KCTD8: variants seen among roughly 807,000 people sequenced by gnomAD.
The protein encoded by KCTD8 is potassium channel tetramerization domain containing 8, also known as BTB/POZ domain-containing protein KCTD8.
In KCTD8, 27 loss-of-function variants were observed where a neutral mutation model predicts 31.5. The observed-to-expected ratio is 0.86, with a 90% CI of 0.63 to 1.18. The LOEUF is 1.18. Among genes scored for constraint, KCTD8 ranks in the 50% most tolerant of loss-of-function variants. The pLI, the probability that KCTD8 is intolerant of heterozygous loss-of-function variation, is 0.00. For missense variants in KCTD8, 658 were observed against 647.7 expected (o/e 1.02, Z -0.17); for synonymous variants, 290 against 280.0 (o/e 1.04, Z -0.36).
chr4:44,181,508 G>T (rs1357661953), intron 1 of KCTD8, among the ~76,000 whole-genome samples: 1 of 152,158 alleles, frequency 6.6e-6, no homozygotes, highest in Non-Finnish European at 1.5e-5. Context: ...TCGGCCCCCC[G>T]AGGCGCCGGG....
intron 1 of KCTD8, among the ~76,000 whole-genome samples, chr4:44,255,709 T>C (rs1715970762): frequency 6.6e-6 from 1 of 151,850 alleles, no homozygotes; most frequent in African/African-American, 2.4e-5. Context: ...AATAATCTTG[T>C]ATCCCTGCCT....
intron 1 of KCTD8, among the ~76,000 whole-genome samples, chr4:44,342,505 ACGTCAAG>A (rs1202595052): frequency 7.9e-5 from 12 of 152,230 alleles, no homozygotes; most frequent in African/African-American, 2.4e-4. Flanking sequence ...TATAGAGCAC[ACGTCAAG>A]TATATTTAGC....
At chr4:44,342,215 C>A (rs1377480243) in intron 1 of KCTD8, among the ~76,000 whole-genome samples, 1 of 151,650 alleles carries the variant, frequency 6.6e-6, no homozygotes, top group Non-Finnish European at 1.5e-5. Flanking sequence ...ACTAAAAATA[C>A]AAAAAAATTA....
At chr4:44,323,125 A>C (rs1289251807) in intron 1 of KCTD8, among the ~76,000 whole-genome samples, 1 of 152,050 alleles carries the variant, frequency 6.6e-6, no homozygotes, top group Non-Finnish European at 1.5e-5. Flanking sequence ...TCTGTGAAGA[A>C]AGTCATTGGT....
chr4:44,366,439 T>A (rs1205919847), intron 1 of KCTD8, among the ~76,000 whole-genome samples: 2 of 152,194 alleles, frequency 1.3e-5, no homozygotes, highest in African/African-American at 4.8e-5. Flanking sequence ...TCTCTCTATT[T>A]TCTGCTGCCA....
chr4:44,371,263 T>C (rs368918769), intron 1 of KCTD8, among the ~76,000 whole-genome samples: 1 of 152,320 alleles, frequency 6.6e-6, no homozygotes, highest in East Asian at 1.9e-4. Flanking sequence ...TGCTCAACCT[T>C]TTCAAATGCT....
chr4:44,221,637 A>G (rs1267051338), intron 1 of KCTD8, among the ~76,000 whole-genome samples: 1 of 152,176 alleles, frequency 6.6e-6, no homozygotes, highest in South Asian at 2.1e-4. Flanking sequence ...CCACTGGCGT[A>G]TGTCCAGGAG....
intron 1 of KCTD8, among the ~76,000 whole-genome samples, chr4:44,437,170 G>A (rs1402018714): frequency 6.6e-6 from 1 of 151,834 alleles, no homozygotes. Flanking sequence ...AAAATGAGCT[G>A]TGTATGTCTG....
intron 1 of KCTD8, among the ~76,000 whole-genome samples, chr4:44,437,278 G>T (rs1026396331): frequency 2.0e-5 from 3 of 152,016 alleles, no homozygotes; most frequent in African/African-American, 7.2e-5. Flanking sequence ...TATCTATTAG[G>T]CATGTCATTC....
At chr4:44,304,593 T>C (rs568721821) in intron 1 of KCTD8, among the ~76,000 whole-genome samples, 1 of 152,280 alleles carries the variant, frequency 6.6e-6, no homozygotes, top group African/African-American at 2.4e-5. Context: ...TGTACTGTAT[T>C]AAGTAATTGT....
intron 1 of KCTD8, among the ~76,000 whole-genome samples, chr4:44,380,838 A>G (rs1720046072): frequency 6.6e-6 from 1 of 151,980 alleles, no homozygotes; most frequent in Non-Finnish European, 1.5e-5. Flanking sequence ...CTCTTATAAA[A>G]TGTTGAAGTG....
intron 1 of KCTD8, among the ~76,000 whole-genome samples, chr4:44,225,649 C>A (rs1714935299): frequency 1.3e-5 from 2 of 151,490 alleles, no homozygotes; most frequent in South Asian, 2.1e-4. Flanking sequence ...AAAAAATAAC[C>A]CTTGTGTTGG....
intron 1 of KCTD8, among the ~76,000 whole-genome samples, chr4:44,225,235 C>T (rs549900518): frequency 4.6e-5 from 7 of 152,348 alleles, no homozygotes; most frequent in African/African-American, 1.4e-4. Flanking sequence ...GAAAGTGCTA[C>T]ACCGGCATGG....
At chr4:44,225,331 T>C (rs1421650327) in intron 1 of KCTD8, among the ~76,000 whole-genome samples, 1 of 152,234 alleles carries the variant, frequency 6.6e-6, no homozygotes, top group African/African-American at 2.4e-5. Flanking sequence ...CTGCTACATG[T>C]AGAGCAGCAG....
intron 1 of KCTD8, among the ~76,000 whole-genome samples, chr4:44,267,709 G>A (rs912275457): frequency 1.3e-5 from 2 of 152,058 alleles, no homozygotes; most frequent in South Asian, 2.1e-4. Context: ...TGATAAAGGG[G>A]ATATCACCAC....
At chr4:44,269,372 C>T (rs1257705774) in intron 1 of KCTD8, among the ~76,000 whole-genome samples, 1 of 151,526 alleles carries the variant, frequency 6.6e-6, no homozygotes, top group African/African-American at 2.4e-5. Flanking sequence ...TTCCTTATAC[C>T]TTATACAAAA....
intron 1 of KCTD8, among the ~76,000 whole-genome samples, chr4:44,325,267 G>C (rs989916807): frequency 4.6e-5 from 7 of 151,978 alleles, no homozygotes; most frequent in Admixed American, 4.6e-4. Context: ...TCAAAGTGAA[G>C]AGAACGGAAT....
intron 1 of KCTD8, among the ~76,000 whole-genome samples, chr4:44,385,582 C>G (rs972312436): frequency 3.3e-5 from 5 of 151,446 alleles, no homozygotes; most frequent in African/African-American, 1.2e-4. Context: ...AATTTAAAAG[C>G]TAAAACTTTA....
intron 1 of KCTD8, among the ~76,000 whole-genome samples, chr4:44,230,360 T>C (rs1686587710): frequency 6.6e-6 from 1 of 152,234 alleles, no homozygotes; most frequent in South Asian, 2.1e-4. Flanking sequence ...AGTTAAATTA[T>C]TCACATAAAA....
Sources: allele counts gnomAD v4.1 joint callset (sites outside exome capture counted in the v4.1 genomes callset), GRCh38; gene constraint gnomAD v4.1.1; transcripts MANE v1.5; gene names NCBI Gene and HGNC (gene_info 2026-07-23, HGNC 2026-07-21).